BAD: variants seen among roughly 807,000 people sequenced by gnomAD.
BAD encodes the protein BCL2 associated agonist of cell death.
BAD carries 18 observed loss-of-function variants against 17.8 expected under a neutral mutation model. The ratio of observed to expected loss-of-function variants is 1.01; its 90% confidence interval spans 0.70 to 1.50. The LOEUF (loss-of-function observed/expected upper bound fraction) is 1.50. BAD is among the 40% of genes most tolerant of loss of function. The pLI is 0.00. For missense variants in BAD, 294 were observed against 239.3 expected (o/e 1.23, Z -1.51); for synonymous variants, 112 against 91.5 (o/e 1.22, Z -1.28).
At position 64,281,144 on chromosome 11, in the gene BAD, T is replaced by G. The variant is rs925727966; in HGVS notation, c.187+3038A>C. On this transcript the variant is annotated intron_variant, in intron 2 of 3. Transcript: ENST00000309032. ...CACCACGCCCAGAGAATTTTTTGTA[T>G]TTTTAGTGGAGACGGGGTTCACCGT... Among the ~76,000 whole-genome samples the G allele has an allele frequency of 2.3e-4, 35 of 152,264 alleles. 1 individual carries two copies. The highest frequency in any genetic ancestry group is 8.2e-4 in the African/African-American group (34 of 41,536).
chr11:64,273,796 C>T (rs1288185182), intron 2 of BAD, among the ~76,000 whole-genome samples: 2 of 140,866 alleles, frequency 1.4e-5, no homozygotes, highest in Non-Finnish European at 3.0e-5. Flanking sequence ...GCAGAAGAAT[C>T]GCTTGAACCT....
Position 64,270,313 on chromosome 11 carries a change from C to A in BAD, c.403G>T (p.Ala135Ser). The A allele has an allele frequency of 6.4e-7, 1 of 1,569,742 alleles. No homozygotes were observed. Among genetic ancestry groups the A allele is most frequent in the Non-Finnish European group, 8.7e-7 (1 of 1,152,108 alleles). The change falls in exon 4 of 4, where the codon GCG becomes TCG. Residue 135 changes from alanine (A) to serine (S), a missense_variant. Physicochemically the swap from Ala to Ser is moderately conservative, Grantham distance 99. Coordinates refer to ENST00000309032, the MANE Select transcript of BAD (RefSeq NM_032989.3). ...TGCCGCATCTGCGTTGCTGTGCCCG[C>A]GCTCTTCGGGCGAGGAAGTCCCTTC... The part of the protein sequence containing the change: ...FKKGLPRPKS[A>S]GTATQMRQSS...
In BAD at chr11:64,284,190, T is replaced by C. The variant is rs1565353021; in HGVS notation, c.179A>G (p.His60Arg). 2 of 1,596,002 alleles carry C rather than the reference T, an allele frequency of 1.3e-6. No homozygotes were observed. Among genetic ancestry groups the C allele is most frequent in the African/African-American group, 1.3e-5 (1 of 74,324 alleles). Residue 60 changes from histidine to arginine, a missense_variant, in exon 2 of 4, where the codon CAT (histidine) becomes CGT (arginine). Physicochemically the swap from His to Arg is conservative, Grantham distance 29. Transcript: ENST00000309032. Reference protein sequence around the residue: ...HQQEQPTSSSHHGGAGAVEIR... With the variant: ...HQQEQPTSSSRHGGAGAVEIR... ...GGTGGTGGGGTACTTACCTCCATGA[T>C]GGCTGCTGCTGGTTGGCTGCTCCTG...
chr11:64,276,824 C>T (rs1234593896), intron 2 of BAD: 9 of 694,486 alleles, frequency 1.3e-5, no homozygotes, highest in East Asian at 1.1e-4. Flanking sequence ...TGCCATCCGC[C>T]TAGAGCCTGG....
intron 2 of BAD, among the ~76,000 whole-genome samples, chr11:64,274,713 C>A (rs1269326329): frequency 6.6e-6 from 1 of 151,916 alleles, no homozygotes; most frequent in Non-Finnish European, 1.5e-5. Context: ...CCCAGCTACT[C>A]AGGAGGCTGA....
chr11:64,274,546 GGT>G (rs1252833611), intron 2 of BAD, among the ~76,000 whole-genome samples: 1 of 152,162 alleles, frequency 6.6e-6, no homozygotes, highest in Non-Finnish European at 1.5e-5. Flanking sequence ...AAAAAGGCCA[GGT>G]GTGGTGGCTC....
chr11:64,271,087 A>G (rs11231733), intron 3 of BAD, among the ~76,000 whole-genome samples: 235 of 328 alleles, frequency 0.72, 106 homozygotes, highest in African/African-American at 0.87. Context: ...ACACACACAC[A>G]CCTGGAGTGG....
chr11:64,271,962 A>C, intron 2 of BAD, 159 bp from the exon 3 acceptor site: 1 of 482,906 alleles, frequency 2.1e-6, no homozygotes, highest in Non-Finnish European at 3.3e-6. Context: ...TTGTATGTGA[A>C]TCGAGGGGAA....
At chr11:64,279,196 C>T (rs1463258319) in intron 2 of BAD, among the ~76,000 whole-genome samples, 1 of 152,168 alleles carries the variant, frequency 6.6e-6, no homozygotes, top group Non-Finnish European at 1.5e-5. Context: ...GCCTTGTCAC[C>T]ATCAAATAAC....
rs927566353 is a variant in BAD, at chr11:64,271,634, G to C, written c.357C>G (p.Asp119Glu). 1.1e-5 allele frequency: 17 copies of C among 1,501,750 alleles called. No individual in the cohort carries two copies. Among genetic ancestry groups the C allele is most frequent in the Non-Finnish European group, 1.4e-5 (16 of 1,125,278 alleles). 93.0% of individuals were successfully genotyped at this position (1,501,750 alleles called of 1,614,324 possible). ...TCACCTTAAAGGAGTCCACAAACTC[G>C]TCACTCATCCTCCGGAGCTCGCGGC... is the stretch of plus-strand genomic sequence containing the variant. ...RYGRELRRMS[D>E]EFVDSFKKGL... The change falls in exon 3 of 4, where the codon GAC becomes GAG. Residue 119 changes from aspartate to glutamate, a missense_variant. Physicochemically the swap from Asp to Glu is conservative, Grantham distance 45. Transcript: ENST00000309032.
chr11:64,284,594 C>A, intron 1 of BAD, 37 bp downstream of exon 1: 1 of 1,497,320 alleles, frequency 6.7e-7, no homozygotes, highest in Admixed American at 2.1e-5. Context: ...TGGACCCAGG[C>A]CCCGCCCCGC....
chr11:64,271,763 G>T lies in BAD; in HGVS notation c.228C>A (p.Tyr76Ter). The change falls in exon 3 of 4, where the codon TAC (tyrosine) becomes TAA (stop). Residue 76 changes from tyrosine to a stop codon, truncating the protein, a stop_gained. Coordinates refer to ENST00000309032, the MANE Select transcript of BAD (RefSeq NM_032989.3). LOFTEE classifies it high-confidence loss of function. The part of the protein sequence containing the change: ...AVEIRSRHSS[Y>*]PAGTEDDEGM... The stretch of plus-strand genomic sequence containing the variant: ...CTTCGTCGTCCTCCGTCCCCGCGGG[G>T]TAGGAGCTGTGGCGACTCCGGATCT... 1 of 1,405,412 alleles carries T rather than the reference G, an allele frequency of 7.1e-7. No individual in the cohort carries two copies. Among genetic ancestry groups the T allele is most frequent in the Non-Finnish European group, 9.3e-7 (1 of 1,077,722 alleles). The allele number at this position is 1,405,412 out of a possible 1,614,324, so 87.1% of individuals were successfully genotyped here.
At chr11:64,283,867 T>C (rs1386988809) in intron 2 of BAD, among the ~76,000 whole-genome samples, 1 of 152,142 alleles carries the variant, frequency 6.6e-6, no homozygotes, top group East Asian at 1.9e-4. Context: ...ACTTCTGGGC[T>C]CAAGCGATCC....
intron 2 of BAD, among the ~76,000 whole-genome samples, chr11:64,275,910 G>A (rs1283992144): frequency 6.6e-6 from 1 of 152,094 alleles, no homozygotes; most frequent in Non-Finnish European, 1.5e-5. Flanking sequence ...TATCAGGGAG[G>A]TTCCTCATGG....
In BAD at chr11:64,276,976, C is replaced by T. The variant is rs551978698; in HGVS notation, c.188-5173G>A. ...GGGCGGACATCCCTGCTGATGCTTC[C>T]GCGAGCATCCCTGCACTGGGATTTT... is the stretch of plus-strand genomic sequence containing the variant. On this transcript the variant is annotated intron_variant, in intron 2 of 3. Coordinates refer to ENST00000309032, the MANE Select transcript of BAD (RefSeq NM_032989.3). The T allele has an allele frequency of 6.0e-5, 44 of 737,596 alleles. 1 individual carries two copies. Among genetic ancestry groups the T allele is most frequent in the African/African-American group, 3.8e-4 (22 of 58,312 alleles). 45.7% of individuals were successfully genotyped at this position (737,596 alleles called of 1,614,324 possible).
chr11:64,280,259 G>A (rs1344905112), intron 2 of BAD, among the ~76,000 whole-genome samples: 3 of 149,890 alleles, frequency 2.0e-5, no homozygotes, highest in African/African-American at 7.4e-5. Context: ...GGCAGAGCTT[G>A]CAGTGAGCTG....
intron 1 of BAD, 67 bp from the exon 2 acceptor site, chr11:64,284,443 G>C: frequency 1.9e-6 from 3 of 1,603,820 alleles, no homozygotes; most frequent in Non-Finnish European, 2.5e-6. Context: ...GAAGGCAGAG[G>C]CAGGTACCCC....
At chr11:64,279,979 C>T (rs1015106907) in intron 2 of BAD, among the ~76,000 whole-genome samples, 2 of 150,616 alleles carry the variant, frequency 1.3e-5, no homozygotes, top group Non-Finnish European at 3.0e-5. Flanking sequence ...GGGCCAGGAG[C>T]TCAAGACCAG....
At chr11:64,282,626 C>T (rs567909911) in intron 2 of BAD, among the ~76,000 whole-genome samples, 3 of 152,218 alleles carry the variant, frequency 2.0e-5, no homozygotes, top group African/African-American at 7.2e-5. Context: ...CGCCTGTAAT[C>T]CCAACACTGT....
Sources: allele counts gnomAD v4.1 joint callset (sites outside exome capture counted in the v4.1 genomes callset), GRCh38; gene constraint gnomAD v4.1.1; transcripts MANE v1.5; gene names NCBI Gene and HGNC (gene_info 2026-07-23, HGNC 2026-07-21).